Variants in MGAT4D observed in about 807,000 individuals in gnomAD.
MGAT4D encodes MGAT4 family member D.
In MGAT4D, 34 loss-of-function variants were observed where a neutral mutation model predicts 15.9. The observed-to-expected ratio is 2.14, with a 90% CI of 1.62 to 2.84. The LOEUF (loss-of-function observed/expected upper bound fraction) is 2.84, where lower values mean the gene tolerates loss of function less well. MGAT4D is among the 30% of genes most tolerant of loss of function. The probability of loss-of-function intolerance (pLI) is 0.00; values close to 1 mark genes in which losing one functional copy is unlikely to be tolerated. For missense variants in MGAT4D, 327 were observed against 140.2 expected (o/e 2.33, Z -6.73); for synonymous variants, 112 against 48.2 (o/e 2.33, Z -5.49).
chr4:140,497,844 G>A (rs1047902683), intron 1 of MGAT4D, among the ~76,000 whole-genome samples: 1 of 152,254 alleles, frequency 6.6e-6, no homozygotes, highest in East Asian at 1.9e-4. Context: ...AACCTTTGAG[G>A]AAAAGGGAGC....
At chr4:140,490,318 A>G (rs1472665628) in intron 1 of MGAT4D, among the ~76,000 whole-genome samples, 1 of 152,222 alleles carries the variant, frequency 6.6e-6, no homozygotes, top group South Asian at 2.1e-4. Flanking sequence ...TGCAATTCAT[A>G]TAGCCTGGGC....
At position 140,498,106 on chromosome 4, in the gene MGAT4D, C is replaced by T. The variant is rs1409322243; in HGVS notation, c.94+23G>A. On this transcript the variant is annotated intron_variant, in intron 1 of 10. Transcript: ENST00000511113. ...GAAGCCCCCGCGGCGGGAAAGGAGGCGGGAGGAGGGCCCGCCGCTTACTGG... is the reference window on the plus strand; with the variant it reads ...GAAGCCCCCGCGGCGGGAAAGGAGGTGGGAGGAGGGCCCGCCGCTTACTGG... 9 of 695,244 alleles carry T rather than the reference C, an allele frequency of 1.3e-5. No homozygotes were observed. The East Asian group carries it at 2.5e-4, about 19-fold the overall frequency. 43.1% of individuals were successfully genotyped at this position (695,244 alleles called of 1,614,324 possible).
At chr4:140,490,769 G>T (rs879873872) in intron 1 of MGAT4D, among the ~76,000 whole-genome samples, 1 of 152,084 alleles carries the variant, frequency 6.6e-6, no homozygotes, top group African/African-American at 2.4e-5. Flanking sequence ...ACTTTATTTT[G>T]GTTTGGGTTT....
At chr4:140,477,183 C>A (rs1732394496) in intron 3 of MGAT4D, among the ~76,000 whole-genome samples, 1 of 152,150 alleles carries the variant, frequency 6.6e-6, no homozygotes, top group Non-Finnish European at 1.5e-5. Context: ...CGCTATCCAC[C>A]ACCTACCACT....
At chr4:140,480,789 A>T (rs2126820179) in intron 2 of MGAT4D, among the ~76,000 whole-genome samples, 1 of 148,238 alleles carries the variant, frequency 6.7e-6, no homozygotes, top group South Asian at 2.2e-4. Context: ...ACACACACGC[A>T]GTGGGGCATA....
At chr4:140,467,388 A>T (rs915631482) in intron 5 of MGAT4D, among the ~76,000 whole-genome samples, 6 of 152,172 alleles carry the variant, frequency 3.9e-5, no homozygotes, top group African/African-American at 1.4e-4. Flanking sequence ...AAGGGAAATA[A>T]CATCAAGTTG....
intron 1 of MGAT4D, among the ~76,000 whole-genome samples, chr4:140,485,030 A>T (rs1343815404): frequency 2.0e-5 from 3 of 152,198 alleles, no homozygotes; most frequent in Non-Finnish European, 2.9e-5. Context: ...ATACCATTTG[A>T]CCCAGCCATC....
At chr4:140,461,816 G>C in intron 7 of MGAT4D, 113 bp downstream of exon 7, 1 of 438,888 alleles carries the variant, frequency 2.3e-6, no homozygotes, top group Admixed American at 3.8e-5. Context: ...AGAAATTATA[G>C]GAAGGAGGGA....
intron 5 of MGAT4D, among the ~76,000 whole-genome samples, chr4:140,469,965 C>T (rs1731809233): frequency 6.6e-6 from 1 of 152,260 alleles, no homozygotes. Context: ...TACCGGTTGG[C>T]CTCTGCCTGC....
chr4:140,466,070 G>C (rs1180307987), intron 5 of MGAT4D, among the ~76,000 whole-genome samples: 1 of 152,184 alleles, frequency 6.6e-6, no homozygotes, highest in Non-Finnish European at 1.5e-5. Flanking sequence ...AAAACATGTG[G>C]TTGTCTTGCC....
chr4:140,469,045 A>T (rs776674442), intron 5 of MGAT4D, among the ~76,000 whole-genome samples: 1 of 151,484 alleles, frequency 6.6e-6, no homozygotes, highest in Non-Finnish European at 1.5e-5. Flanking sequence ...ACAAGTAAAA[A>T]CTCCAGGTGC....
chr4:140,491,759 C>A (rs1194215241), intron 1 of MGAT4D, among the ~76,000 whole-genome samples: 3 of 152,060 alleles, frequency 2.0e-5, no homozygotes, highest in Non-Finnish European at 4.4e-5. Context: ...CAGCCACAAA[C>A]TACCCCTACA....
chr4:140,490,656 CA>C (rs1281042757), intron 1 of MGAT4D, among the ~76,000 whole-genome samples: 10 of 150,786 alleles, frequency 6.6e-5, no homozygotes, highest in Non-Finnish European at 1.0e-4. Context: ...GCTGGTTTTG[CA>C]AAAAAAAATT....
intron 3 of MGAT4D, among the ~76,000 whole-genome samples, chr4:140,478,763 C>CT (rs5862479): frequency 2.1e-3 from 308 of 144,934 alleles, no homozygotes; most frequent in African/African-American, 5.7e-3. Context: ...GGTCAGCAAA[C>CT]TTTTTTTTTT....
At position 140,479,632 on chromosome 4, in the gene MGAT4D, A is replaced by AAC. The variant is rs1456074042; in HGVS notation, c.254-6_254-5insGT. ...ATATGTCTGCTTTCTGTGCAACTGA[A>AAC]AGAAAAAAATAATGCTTCTGAGTAT... On this transcript the variant is annotated splice_polypyrimidine_tract_variant and splice_region_variant and intron_variant, in intron 2 of 10. Coordinates refer to ENST00000511113, the MANE Select transcript of MGAT4D (RefSeq NM_001277353.2). 3 of 447,258 alleles carry AAC rather than the reference A, an allele frequency of 6.7e-6. No homozygotes were observed. Among genetic ancestry groups the AAC allele is most frequent in the Admixed American group, 4.2e-5 (1 of 23,696 alleles). 27.7% of individuals were successfully genotyped at this position (447,258 alleles called of 1,614,324 possible). A position where few individuals can be genotyped will look rare whatever the true frequency, so the allele number is the denominator to read the frequency against.
intron 5 of MGAT4D, among the ~76,000 whole-genome samples, chr4:140,468,458 A>G (rs1380863972): frequency 2.0e-5 from 3 of 152,186 alleles, no homozygotes; most frequent in Non-Finnish European, 4.4e-5. Flanking sequence ...TGATGCGGTC[A>G]TATCTTCAGG....
At position 140,459,582 on chromosome 4, in the gene MGAT4D, T is replaced by C; in HGVS notation, c.807A>G (p.Ile269Met). The C allele has an allele frequency of 1.9e-6, 1 of 535,362 alleles. No individual in the cohort carries two copies. The highest frequency in any genetic ancestry group is 3.3e-6 in the Non-Finnish European group (1 of 302,824). 33.2% of individuals were successfully genotyped at this position (535,362 alleles called of 1,614,324 possible). A position where few individuals can be genotyped will look rare whatever the true frequency, so the allele number is the denominator to read the frequency against. The change falls in exon 8 of 11, where the codon ATA (isoleucine) becomes ATG (methionine). Residue 269 changes from isoleucine to methionine, a missense_variant. Transcript: ENST00000511113. ...IIAKEMYFTK[I>M]TDFVGNISSN... Reference sequence around the variant, plus strand: ...AACTGATATTACCTACAAAATCTGTTATTTTTGTAAAGTACATCTCTTTAG... The same window carrying C: ...AACTGATATTACCTACAAAATCTGTCATTTTTGTAAAGTACATCTCTTTAG...
chr4:140,454,428 C>T (rs920970826), intron 9 of MGAT4D, among the ~76,000 whole-genome samples: 1 of 152,086 alleles, frequency 6.6e-6, no homozygotes, highest in African/African-American at 2.4e-5. Flanking sequence ...TTCAAACAAA[C>T]CAGTTTTGTA....
At chr4:140,491,092 T>C (rs1733472058) in intron 1 of MGAT4D, among the ~76,000 whole-genome samples, 1 of 152,238 alleles carries the variant, frequency 6.6e-6, no homozygotes, top group Non-Finnish European at 1.5e-5. Flanking sequence ...TTTCTTGTAA[T>C]TGCTGGCATA....
Sources: gnomAD v4.1 joint callset for allele counts (sites outside exome capture counted in the v4.1 genomes callset) on GRCh38, gnomAD v4.1.1 for gene constraint, MANE v1.5 for transcripts, NCBI Gene and HGNC (gene_info 2026-07-23, HGNC 2026-07-21) for gene names.